SGCZ: variants seen among roughly 807,000 people sequenced by gnomAD.
SGCZ encodes the protein zeta-sarcoglycan.
A neutral mutation model predicts 41.3 loss-of-function variants in SGCZ; 40 were observed. The ratio of observed to expected loss-of-function variants is 0.97; its 90% confidence interval spans 0.75 to 1.26. The LOEUF is 1.26. SGCZ is among the 50% of genes most tolerant of loss of function. The pLI is 0.00. For synonymous variants in SGCZ, 206 were observed against 137.5 expected, an observed-to-expected ratio of 1.50 and a Z score of -3.49; for missense variants, 552 against 369.8, an observed-to-expected ratio of 1.49 and a Z score of -4.04.
intron 2 of SGCZ, among the ~76,000 whole-genome samples, chr8:14,366,202 G>A (rs895475441): frequency 1.3e-5 from 2 of 152,108 alleles, no homozygotes; most frequent in Admixed American, 1.3e-4. Context: ...CCAGAGACTG[G>A]ATATTTCATA....
intron 1 of SGCZ, among the ~76,000 whole-genome samples, chr8:14,926,769 T>G (rs747583835): frequency 2.0e-5 from 3 of 151,974 alleles, no homozygotes; most frequent in Admixed American, 2.0e-4. Flanking sequence ...GCCTCCCAAG[T>G]AGCTGGGATT....
At chr8:14,752,012 T>C (rs546231997) in intron 1 of SGCZ, among the ~76,000 whole-genome samples, 3 of 151,472 alleles carry the variant, frequency 2.0e-5, no homozygotes, top group African/African-American at 7.3e-5. Context: ...GTCAACATTG[T>C]TGCTACAAAG....
At chr8:14,634,838 T>G (rs1351108379) in intron 1 of SGCZ, among the ~76,000 whole-genome samples, 1 of 151,884 alleles carries the variant, frequency 6.6e-6, no homozygotes, top group Non-Finnish European at 1.5e-5. Flanking sequence ...TGCTGAAAAC[T>G]GACATCTGTG....
At chr8:15,110,548 C>A (rs1807008265) in intron 1 of SGCZ, among the ~76,000 whole-genome samples, 1 of 152,190 alleles carries the variant, frequency 6.6e-6, no homozygotes, top group South Asian at 2.1e-4. Context: ...TAAGTTTCAC[C>A]AAAGTGAAAT....
intron 1 of SGCZ, among the ~76,000 whole-genome samples, chr8:14,713,910 C>T (rs898479220): frequency 1.5e-4 from 23 of 151,976 alleles, no homozygotes. Flanking sequence ...TTTTTTAAAC[C>T]TTTAAAATGA....
chr8:14,171,631 C>T (rs960595685), intron 4 of SGCZ, among the ~76,000 whole-genome samples: 4 of 151,766 alleles, frequency 2.6e-5, no homozygotes, highest in African/African-American at 4.8e-5. Context: ...CATAAAAAAT[C>T]GTATACAGAA....
intron 2 of SGCZ, among the ~76,000 whole-genome samples, chr8:14,336,269 C>G (rs540772801): frequency 3.3e-5 from 5 of 152,140 alleles, no homozygotes; most frequent in Non-Finnish European, 5.9e-5. Flanking sequence ...TTCTTGGCTA[C>G]ATAGTATTCC....
At chr8:14,922,781 T>C (rs1029190841) in intron 1 of SGCZ, among the ~76,000 whole-genome samples, 2 of 152,202 alleles carry the variant, frequency 1.3e-5, no homozygotes, top group African/African-American at 4.8e-5. Context: ...GTGCAATATA[T>C]ACATATTAGA....
At chr8:14,887,135 CCAAA>C (rs1240216805) in intron 1 of SGCZ, among the ~76,000 whole-genome samples, 11 of 151,984 alleles carry the variant, frequency 7.2e-5, no homozygotes, top group African/African-American at 2.7e-4. Context: ...AGTGGAAATG[CCAAA>C]CAGACAGACA....
chr8:14,234,234 G>C (rs1175026071), intron 4 of SGCZ, among the ~76,000 whole-genome samples: 6 of 151,940 alleles, frequency 3.9e-5, no homozygotes, highest in African/African-American at 1.2e-4. Flanking sequence ...TATTGTATTA[G>C]AAATAATTTG....
intron 1 of SGCZ, among the ~76,000 whole-genome samples, chr8:15,191,767 C>T (rs1800549222): frequency 6.6e-6 from 1 of 151,990 alleles, no homozygotes; most frequent in East Asian, 1.9e-4. Context: ...TGATATATTT[C>T]AGAAAAGTGA....
chr8:14,961,405 A>G (rs186119733), intron 1 of SGCZ, among the ~76,000 whole-genome samples: 1 of 152,102 alleles, frequency 6.6e-6, no homozygotes, highest in Non-Finnish European at 1.5e-5. Flanking sequence ...TGTGTATTAC[A>G]GTAGATTCTC....
chr8:14,230,769 G>T (rs1426704433), intron 4 of SGCZ, among the ~76,000 whole-genome samples: 13 of 150,888 alleles, frequency 8.6e-5, no homozygotes, highest in Middle Eastern at 3.4e-3. Context: ...GTGGTGGTGG[G>T]GGGGTGGTTA....
intron 1 of SGCZ, among the ~76,000 whole-genome samples, chr8:14,556,785 T>A (rs1219757480): frequency 6.6e-6 from 1 of 152,098 alleles, no homozygotes; most frequent in Non-Finnish European, 1.5e-5. Context: ...CCTTCCTTTT[T>A]ATGGCTGAGT....
intron 1 of SGCZ, among the ~76,000 whole-genome samples, chr8:14,826,509 A>C (rs922978776): frequency 5.9e-5 from 9 of 152,140 alleles, no homozygotes; most frequent in African/African-American, 2.2e-4. Context: ...GAATCGCCAC[A>C]CTGACTTCCA....
chr8:14,803,983 C>G (rs961952792), intron 1 of SGCZ, among the ~76,000 whole-genome samples: 1 of 122,784 alleles, frequency 8.1e-6, no homozygotes, highest in Admixed American at 8.5e-5. Flanking sequence ...ACACCTCACA[C>G]GGCAGGGTAT....
chr8:14,581,429 TTTTG>T (rs1306462469), intron 1 of SGCZ, among the ~76,000 whole-genome samples: 1 of 152,018 alleles, frequency 6.6e-6, no homozygotes, highest in Non-Finnish European at 1.5e-5. Context: ...TTACTATGTT[TTTTG>T]TTTGTTTGTT....
chr8:14,215,460 T>C (rs1173760369), intron 4 of SGCZ, among the ~76,000 whole-genome samples: 1 of 149,614 alleles, frequency 6.7e-6, no homozygotes, highest in Admixed American at 6.6e-5. Context: ...TTCTAGGAAG[T>C]AGGAAAGAAG....
intron 2 of SGCZ, among the ~76,000 whole-genome samples, chr8:14,473,284 A>G (rs1801263291): frequency 6.6e-6 from 1 of 152,280 alleles, no homozygotes; most frequent in Admixed American, 6.5e-5. Flanking sequence ...CTATTTTCAC[A>G]TTTCATTTTT....
Sources: gnomAD v4.1 joint callset for allele counts (sites outside exome capture counted in the v4.1 genomes callset) on GRCh38, gnomAD v4.1.1 for gene constraint, MANE v1.5 for transcripts, NCBI Gene and HGNC (gene_info 2026-07-23, HGNC 2026-07-21) for gene names.